Variants in AGBL4 observed in about 807,000 individuals in gnomAD.
The protein encoded by AGBL4 is AGBL carboxypeptidase 4.
AGBL4 carries 58 observed loss-of-function variants against 66.4 expected under a neutral mutation model. The observed-to-expected ratio is 0.87, with a 90% CI of 0.71 to 1.09. The LOEUF (loss-of-function observed/expected upper bound fraction) is 1.09. Among genes scored for constraint, AGBL4 ranks in the 50% least tolerant of loss-of-function variants. AGBL4 has a pLI of 0.00. For synonymous variants in AGBL4, 234 were observed against 222.9 expected (o/e 1.05, Z -0.44); for missense variants, 579 against 631.0 (o/e 0.92, Z 0.88).
At chr1:49,639,207 G>A (rs1645734083) in intron 3 of AGBL4, among the ~76,000 whole-genome samples, 1 of 152,128 alleles carries the variant, frequency 6.6e-6, no homozygotes, top group African/African-American at 2.4e-5. Context: ...CAATAACATA[G>A]ATCTAGTCGC....
At chr1:49,336,816 C>A (rs1424765912) in intron 3 of AGBL4, among the ~76,000 whole-genome samples, 2 of 152,060 alleles carry the variant, frequency 1.3e-5, no homozygotes, top group Non-Finnish European at 2.9e-5. Context: ...TTATCCAGTG[C>A]CTAGAACAGT....
rs1316307048 is a variant in AGBL4 at position 49,520,376 on chromosome 1, A to T, written c.282+176937T>A. 3.3e-5 allele frequency among the ~76,000 whole-genome samples: 5 copies of T among 152,230 alleles called. No homozygotes were observed. The East Asian group carries it at 9.7e-4, about 29-fold the overall frequency. On this transcript the variant is annotated intron_variant, in intron 3 of 13. Coordinates refer to ENST00000371839, the MANE Select transcript of AGBL4 (RefSeq NM_032785.4). The stretch of plus-strand genomic sequence containing the variant: ...AAATTAAATACCTACAAAAATGACA[A>T]CTACCCAACTGAACTTCAACTCAAC...
chr1:49,080,103 A>C (rs1293169316), intron 4 of AGBL4, among the ~76,000 whole-genome samples: 1 of 152,216 alleles, frequency 6.6e-6, no homozygotes, highest in Non-Finnish European at 1.5e-5. Context: ...GGACTTGCCT[A>C]AATCTTAATT....
chr1:49,415,654 G>C (rs764151427), intron 3 of AGBL4, among the ~76,000 whole-genome samples: 1 of 152,128 alleles, frequency 6.6e-6, no homozygotes, highest in East Asian at 1.9e-4. Context: ...GCAAAGGAGA[G>C]TGAGAGATGG....
At chr1:49,745,906 G>A (rs1650949290) in intron 2 of AGBL4, among the ~76,000 whole-genome samples, 1 of 151,858 alleles carries the variant, frequency 6.6e-6, no homozygotes, top group Non-Finnish European at 1.5e-5. Flanking sequence ...ACAGAACACT[G>A]TACCCCAAAA....
At chr1:49,966,683 C>T (rs968906775) in intron 1 of AGBL4, among the ~76,000 whole-genome samples, 2 of 152,006 alleles carry the variant, frequency 1.3e-5, no homozygotes, top group African/African-American at 4.8e-5. Flanking sequence ...TACAGTGTAT[C>T]TATATCATTA....
chr1:49,132,953 A>C (rs1162024205), intron 4 of AGBL4, among the ~76,000 whole-genome samples: 5 of 152,210 alleles, frequency 3.3e-5, no homozygotes, highest in Admixed American at 3.3e-4. Flanking sequence ...GGTTTATTGC[A>C]GCACTATTTA....
At chr1:49,341,833 C>A (rs910677795) in intron 3 of AGBL4, among the ~76,000 whole-genome samples, 1 of 152,178 alleles carries the variant, frequency 6.6e-6, no homozygotes, top group Non-Finnish European at 1.5e-5. Flanking sequence ...ACCCTGAGCA[C>A]CTCGCCTCCC....
intron 2 of AGBL4, among the ~76,000 whole-genome samples, chr1:49,778,812 G>A (rs745561614): frequency 2.6e-5 from 4 of 152,118 alleles, no homozygotes; most frequent in Admixed American, 6.5e-5. Context: ...TCCAAAAGGG[G>A]GGAAGTTGGG....
chr1:49,374,347 A>T (rs1570556092), intron 3 of AGBL4: 1 of 141,254 alleles, frequency 7.1e-6, no homozygotes, highest in Non-Finnish European at 1.5e-5. Context: ...TCAGAATCCT[A>T]AAAAAAAAAA....
At chr1:49,365,287 A>C (rs1170427415) in intron 3 of AGBL4, among the ~76,000 whole-genome samples, 1 of 152,180 alleles carries the variant, frequency 6.6e-6, no homozygotes, top group Admixed American at 6.5e-5. Flanking sequence ...ATTTAATAGT[A>C]TGTGGATTTC....
At chr1:49,018,305 G>T (rs76385697) in intron 5 of AGBL4, among the ~76,000 whole-genome samples, 1,847 of 152,190 alleles carry the variant, frequency 0.012, 38 homozygotes, top group African/African-American at 0.043. Flanking sequence ...TTACATACCA[G>T]TGGAGGTGAG....
chr1:49,866,266 A>G (rs972581770), intron 1 of AGBL4, among the ~76,000 whole-genome samples: 1 of 152,128 alleles, frequency 6.6e-6, no homozygotes, highest in Non-Finnish European at 1.5e-5. Flanking sequence ...GAGCCCCAGT[A>G]AGATATTCCA....
intron 3 of AGBL4, among the ~76,000 whole-genome samples, chr1:49,251,569 C>T (rs1391260331): frequency 4.6e-5 from 7 of 152,212 alleles, no homozygotes; most frequent in Non-Finnish European, 1.0e-4. Context: ...CCAACACCAC[C>T]TCCAATGCAA....
chr1:48,949,560 T>A (rs1292134050), intron 5 of AGBL4, among the ~76,000 whole-genome samples: 1 of 152,112 alleles, frequency 6.6e-6, no homozygotes, highest in African/African-American at 2.4e-5. Context: ...CACAAGAGCA[T>A]CCATAAGAGA....
At chr1:48,623,625 T>G (rs929722563) in intron 9 of AGBL4, among the ~76,000 whole-genome samples, 7 of 152,250 alleles carry the variant, frequency 4.6e-5, no homozygotes, top group Non-Finnish European at 8.8e-5. Context: ...GAATTTGTCT[T>G]GGGCTTGAGA....
intron 3 of AGBL4, among the ~76,000 whole-genome samples, chr1:49,343,601 T>C (rs929807587): frequency 6.6e-6 from 1 of 152,174 alleles, no homozygotes; most frequent in Non-Finnish European, 1.5e-5. Flanking sequence ...GGGAATGTCA[T>C]TGTAGTAAAA....
intron 2 of AGBL4, among the ~76,000 whole-genome samples, chr1:49,819,203 C>G (rs1043067138): frequency 6.6e-6 from 1 of 152,076 alleles, no homozygotes; most frequent in African/African-American, 2.4e-5. Context: ...TGAAAATAGA[C>G]GTGGCCATAT....
intron 3 of AGBL4, among the ~76,000 whole-genome samples, chr1:49,662,544 T>G (rs775928396): frequency 6.6e-6 from 1 of 152,160 alleles, no homozygotes; most frequent in Non-Finnish European, 1.5e-5. Context: ...CAACATGCTG[T>G]GCCACCTGAA....
Sources: allele counts gnomAD v4.1 joint callset (sites outside exome capture counted in the v4.1 genomes callset), GRCh38; gene constraint gnomAD v4.1.1; transcripts MANE v1.5; gene names NCBI Gene and HGNC (gene_info 2026-07-23, HGNC 2026-07-21).